Variants in CCDC7 observed in about 807,000 individuals in gnomAD.
The protein encoded by CCDC7 is coiled-coil domain containing 7, also known as coiled-coil domain-containing protein 7.
A neutral mutation model predicts 196.9 loss-of-function variants in CCDC7; 183 were observed. The observed-to-expected ratio is 0.93, with a 90% confidence interval of 0.82 to 1.05. The LOEUF (loss-of-function observed/expected upper bound fraction) is 1.05. CCDC7 is among the 50% of genes least tolerant of loss of function. The probability of loss-of-function intolerance (pLI) is 0.00; values close to 1 mark genes in which losing one functional copy is unlikely to be tolerated. For synonymous variants in CCDC7, 525 were observed against 484.6 expected (o/e 1.08, Z -1.10); for missense variants, 1,540 against 1,482.2 (o/e 1.04, Z -0.64).
In CCDC7 at chr10:32,474,025, T is replaced by C. The variant is rs771439165; in HGVS notation, c.796+2T>C. The stretch of plus-strand genomic sequence containing the variant: ...AAGATGTTTCTGCAACAGAACCACG[T>C]AAGTTTCCACTCATTAAAGCATTAT... On this transcript the variant is annotated splice_donor_variant, in intron 8 of 41. Transcript: ENST00000639629. LOFTEE classifies it high-confidence loss of function. 1.2e-6 allele frequency: 2 copies of C among 1,611,040 alleles called. No individual in the cohort carries two copies. Among genetic ancestry groups the C allele is most frequent in the Non-Finnish European group, 1.7e-6 (2 of 1,178,754 alleles).
exon 1 of CCDC7, chr10:32,446,223 G>C (rs986095611): frequency 6.6e-6 from 1 of 152,212 alleles, no homozygotes; most frequent in East Asian, 1.9e-4. Context: ...TTTTCTTTCA[G>C]CACAAACGTC....
At chr10:32,598,823 TC>T (rs1257498199) in intron 18 of CCDC7, among the ~76,000 whole-genome samples, 1 of 152,216 alleles carries the variant, frequency 6.6e-6, no homozygotes, top group East Asian at 1.9e-4. Context: ...TTGTTTTGTG[TC>T]CTAACATGTG....
At chr10:32,541,787 G>A (rs937472033) in intron 11 of CCDC7, among the ~76,000 whole-genome samples, 4 of 152,210 alleles carry the variant, frequency 2.6e-5, no homozygotes, top group Non-Finnish European at 2.9e-5. Flanking sequence ...GGAGTTGGTG[G>A]GGGCCCAGGG....
chr10:32,652,300 T>C (rs2068912790), intron 20 of CCDC7, among the ~76,000 whole-genome samples: 2 of 152,124 alleles, frequency 1.3e-5, no homozygotes, highest in Admixed American at 1.3e-4. Flanking sequence ...AGCTTATGCA[T>C]GTCTTTATAG....
chr10:32,695,016 C>T, intron 24 of CCDC7, 24 bp downstream of exon 25: 3 of 1,311,222 alleles, frequency 2.3e-6, no homozygotes, highest in Non-Finnish European at 2.1e-6. Flanking sequence ...TTATAGATAA[C>T]TTAAAAATTT....
intron 18 of CCDC7, among the ~76,000 whole-genome samples, chr10:32,626,764 T>C (rs2064102675): frequency 6.6e-6 from 1 of 152,054 alleles, no homozygotes; most frequent in African/African-American, 2.4e-5. Flanking sequence ...TTTAATTCTT[T>C]GCATGTGAGT....
intron 18 of CCDC7, among the ~76,000 whole-genome samples, chr10:32,593,189 T>C (rs1389907508): frequency 1.3e-5 from 2 of 152,220 alleles, no homozygotes; most frequent in African/African-American, 4.8e-5. Flanking sequence ...TTCCTATTTC[T>C]CCACATCCTC....
intron 8 of CCDC7, among the ~76,000 whole-genome samples, chr10:32,478,472 A>G (rs2039401419): frequency 1.3e-5 from 2 of 152,158 alleles, no homozygotes; most frequent in Non-Finnish European, 2.9e-5. Flanking sequence ...AAACTGAGGA[A>G]GCTTACTTCT....
At chr10:32,839,839 C>T (rs546654359) in intron 33 of CCDC7, among the ~76,000 whole-genome samples, 2 of 152,100 alleles carry the variant, frequency 1.3e-5, no homozygotes, top group Admixed American at 6.6e-5. Flanking sequence ...TGGAAATCAA[C>T]TCCAAAAGGA....
intron 9 of CCDC7, among the ~76,000 whole-genome samples, chr10:32,500,611 C>A (rs1382534819): frequency 1.3e-5 from 2 of 151,436 alleles, no homozygotes; most frequent in Non-Finnish European, 2.9e-5. Flanking sequence ...GATGGGCGGC[C>A]AGGCAGAGAC....
chr10:32,668,696 C>G, intron 21 of CCDC7, among the ~76,000 whole-genome samples: 1 of 152,058 alleles, frequency 6.6e-6, no homozygotes, highest in Non-Finnish European at 1.5e-5. Context: ...TATGTTGAAC[C>G]AGCCTTGCAT....
At chr10:32,803,546 T>C (rs2085230830) in intron 29 of CCDC7, among the ~76,000 whole-genome samples, 1 of 152,174 alleles carries the variant, frequency 6.6e-6, no homozygotes, top group African/African-American at 2.4e-5. Flanking sequence ...GTTGTAAGTA[T>C]AGCTATTTCT....
chr10:32,567,175 A>T (rs1269336368), intron 14 of CCDC7, among the ~76,000 whole-genome samples: 1 of 148,308 alleles, frequency 6.7e-6, no homozygotes, highest in Non-Finnish European at 1.5e-5. Context: ...TTATTTATGA[A>T]TTTTCTTTTT....
At position 32,511,256 on chromosome 10, in the gene CCDC7, G is replaced by GGGGGT. The variant is rs1564505792; in HGVS notation, c.873-6685_873-6684insTGGGG. On this transcript the variant is annotated intron_variant, in intron 9 of 41. Coordinates refer to ENST00000639629, the Ensembl canonical transcript of CCDC7. ...TGTCCTGCCACAGAATTATTCTGTG[G>GGGGGT]GGGGCGGGGGGGGCGGGGAAATGTA... 33 of 660,784 alleles carry GGGGGT rather than the reference G, an allele frequency of 5.0e-5. No individual in the cohort carries two copies. In the African/African-American group the frequency reaches 7.6e-4, roughly 15 times the overall value. The allele number at this position is 660,784 out of a possible 1,614,324, so 40.9% of individuals were successfully genotyped here.
At chr10:32,711,794 T>C in intron 25 of CCDC7, 64 bp downstream of exon 26, 1 of 921,122 alleles carries the variant, frequency 1.1e-6, no homozygotes, top group Non-Finnish European at 1.6e-6. Flanking sequence ...ACTTTTTTCT[T>C]TGGTTCATAC....
chr10:32,605,118 C>T (rs2061436386), intron 18 of CCDC7, among the ~76,000 whole-genome samples: 1 of 152,008 alleles, frequency 6.6e-6, no homozygotes, highest in African/African-American at 2.4e-5. Context: ...TGACACCTCC[C>T]CCACTCATTA....
At chr10:32,754,615 T>C (rs2076129592) in intron 28 of CCDC7, among the ~76,000 whole-genome samples, 1 of 152,160 alleles carries the variant, frequency 6.6e-6, no homozygotes, top group South Asian at 2.1e-4. Flanking sequence ...TAACTGCATA[T>C]TAAAAAGCTG....
chr10:32,452,078 C>T (rs755292892), intron 1 of CCDC7, among the ~76,000 whole-genome samples, 157 bp downstream of exon 2: 1 of 152,198 alleles, frequency 6.6e-6, no homozygotes, highest in Non-Finnish European at 1.5e-5. Flanking sequence ...AAAACCAGAT[C>T]TAAGCTTGCA....
At chr10:32,540,692 A>G (rs554958899) in intron 11 of CCDC7, among the ~76,000 whole-genome samples, 1 of 152,278 alleles carries the variant, frequency 6.6e-6, no homozygotes, top group East Asian at 1.9e-4. Flanking sequence ...GGCTACCCCC[A>G]ACCCAGTCTC....
Sources: gnomAD v4.1 joint callset for allele counts (sites outside exome capture counted in the v4.1 genomes callset) on GRCh38, gnomAD v4.1.1 for gene constraint, MANE v1.5 for transcripts, NCBI Gene and HGNC (gene_info 2026-07-23, HGNC 2026-07-21) for gene names.